The following PIGK variants were observed in gnomAD, a reference collection of about 807,000 sequenced individuals.
The protein encoded by PIGK is GPI-anchor transamidase.
PIGK carries 42 observed loss-of-function variants against 50.6 expected under a neutral mutation model. The observed-to-expected ratio is 0.83, with a 90% confidence interval of 0.65 to 1.07. The LOEUF (loss-of-function observed/expected upper bound fraction) is 1.07, where lower values mean the gene tolerates loss of function less well. PIGK is among the 50% of genes least tolerant of loss of function. The probability of loss-of-function intolerance (pLI) is 0.00; values close to 1 mark genes in which losing one functional copy is unlikely to be tolerated. For synonymous variants in PIGK, 151 were observed against 156.0 expected, an observed-to-expected ratio of 0.97 and a Z score of 0.24; for missense variants, 448 against 488.7, an observed-to-expected ratio of 0.92 and a Z score of 0.78.
chr1:77,153,076 C>CA (rs1403238801), intron 9 of PIGK, among the ~76,000 whole-genome samples: 1 of 152,100 alleles, frequency 6.6e-6, no homozygotes, highest in Admixed American at 6.6e-5. Flanking sequence ...ATGTCTATTG[C>CA]AGCAGTATTC....
chr1:77,165,599 G>C (rs1655216069), intron 5 of PIGK, among the ~76,000 whole-genome samples: 1 of 137,594 alleles, frequency 7.3e-6, no homozygotes, highest in South Asian at 2.4e-4. Context: ...CAGGCAACTG[G>C]TGATAAAAAA....
At chr1:77,129,485 G>A (rs1404412465) in intron 9 of PIGK, 1 of 1,487,094 alleles carries the variant, frequency 6.7e-7, no homozygotes, top group Non-Finnish European at 9.2e-7. Flanking sequence ...AAGCACCTAA[G>A]ATGCGCCGCC....
At chr1:77,143,144 A>G (rs564694472) in intron 9 of PIGK, among the ~76,000 whole-genome samples, 1 of 152,316 alleles carries the variant, frequency 6.6e-6, no homozygotes, top group African/African-American at 2.4e-5. Flanking sequence ...AATTTTTAAA[A>G]TGGAATACAC....
intron 5 of PIGK, among the ~76,000 whole-genome samples, chr1:77,165,846 TTAA>T (rs1379820323): frequency 6.6e-6 from 1 of 152,096 alleles, no homozygotes; most frequent in Non-Finnish European, 1.5e-5. Flanking sequence ...GCAGAAACTA[TTAA>T]TAATAACACT....
At chr1:77,109,277 G>C (rs544503392) in intron 10 of PIGK, among the ~76,000 whole-genome samples, 2 of 152,300 alleles carry the variant, frequency 1.3e-5, no homozygotes, top group East Asian at 3.9e-4. Flanking sequence ...GCATCATCCT[G>C]ATACCAAAGC....
intron 1 of PIGK, among the ~76,000 whole-genome samples, chr1:77,216,587 T>C (rs1433556549): frequency 1.3e-5 from 2 of 152,048 alleles, no homozygotes; most frequent in Admixed American, 6.6e-5. Context: ...ATGATAAATA[T>C]AGAATAATAA....
At chr1:77,112,731 T>C (rs1191533023) in intron 10 of PIGK, among the ~76,000 whole-genome samples, 2 of 152,094 alleles carry the variant, frequency 1.3e-5, no homozygotes, top group African/African-American at 4.8e-5. Context: ...GTACAGTTTC[T>C]CTACCTTAAA....
rs531202365 is a variant in PIGK at position 77,101,158 on chromosome 1, T to TA, written c.1072-8669dup. 3.8e-3 allele frequency among the ~76,000 whole-genome samples: 574 copies of TA among 152,056 alleles called. 5 individuals carry two copies. Among genetic ancestry groups the TA allele is most frequent in the African/African-American group, 0.013 (542 of 41,486 alleles). On this transcript the variant is annotated intron_variant, in intron 10 of 10. Transcript: ENST00000370812. ...TGAAACTATTTATTACATCTGATAC[T>TA]AAAAAAAATGCAAGGAATCTACTTG...
intron 5 of PIGK, among the ~76,000 whole-genome samples, chr1:77,164,877 C>T (rs921443140): frequency 6.6e-6 from 1 of 152,140 alleles, no homozygotes; most frequent in Admixed American, 6.6e-5. Context: ...CTGACGTATA[C>T]TATGCCTCCA....
intron 9 of PIGK, 151 bp downstream of exon 9, chr1:77,154,298 A>G (rs577026679): frequency 3.4e-6 from 2 of 592,176 alleles, no homozygotes; most frequent in African/African-American, 1.9e-5. Flanking sequence ...TATAAATCTG[A>G]AAAGCATACA....
chr1:77,142,458 A>G (rs1225216534), intron 9 of PIGK, among the ~76,000 whole-genome samples: 16 of 152,196 alleles, frequency 1.1e-4, no homozygotes, highest in Non-Finnish European at 7.4e-5. Flanking sequence ...CCTATGACAG[A>G]TAAAGTATCT....
At chr1:77,150,150 AAAC>A (rs1260800003) in intron 9 of PIGK, among the ~76,000 whole-genome samples, 2 of 152,184 alleles carry the variant, frequency 1.3e-5, no homozygotes, top group Admixed American at 1.3e-4. Flanking sequence ...GATTTCAAAT[AAAC>A]AACTTAACTA....
chr1:77,122,431 G>T, intron 9 of PIGK, 72 bp from the exon 10 acceptor site: 1 of 810,260 alleles, frequency 1.2e-6, no homozygotes, highest in African/African-American at 1.7e-5. Context: ...ATTTAAATAT[G>T]TCAAATATGA....
intron 10 of PIGK, among the ~76,000 whole-genome samples, chr1:77,109,412 T>C (rs894781807): frequency 1.3e-5 from 2 of 152,172 alleles, no homozygotes; most frequent in African/African-American, 2.4e-5. Flanking sequence ...TTATCCACCA[T>C]GATCAAGTGG....
chr1:77,154,742 T>A (rs897179080), intron 8 of PIGK, 121 bp from the exon 9 acceptor site: 1 of 683,954 alleles, frequency 1.5e-6, no homozygotes, highest in African/African-American at 1.9e-5. Flanking sequence ...AAAGAAGCTA[T>A]GTGTTCTAAA....
intron 10 of PIGK, among the ~76,000 whole-genome samples, chr1:77,114,539 G>A (rs1009733774): frequency 4.6e-5 from 7 of 151,960 alleles, no homozygotes; most frequent in Admixed American, 3.3e-4. Flanking sequence ...TTCTATTATA[G>A]AAATTTCACA....
intron 3 of PIGK, among the ~76,000 whole-genome samples, chr1:77,184,021 C>T (rs1655683208): frequency 6.6e-6 from 1 of 152,168 alleles, no homozygotes; most frequent in South Asian, 2.1e-4. Flanking sequence ...ACAGTGGGAA[C>T]CGCAGTTGCT....
intron 3 of PIGK, among the ~76,000 whole-genome samples, chr1:77,205,773 T>C (rs990755882): frequency 5.3e-5 from 8 of 152,094 alleles, no homozygotes; most frequent in African/African-American, 1.7e-4. Flanking sequence ...GCTTTGGTAG[T>C]AGGAAAAACA....
At chr1:77,192,226 A>T (rs1655924829) in intron 3 of PIGK, among the ~76,000 whole-genome samples, 1 of 152,184 alleles carries the variant, frequency 6.6e-6, no homozygotes, top group Admixed American at 6.5e-5. Flanking sequence ...CTTCAGTTTG[A>T]TCATAAAAGC....
Sources: allele counts gnomAD v4.1 joint callset (sites outside exome capture counted in the v4.1 genomes callset), GRCh38; gene constraint gnomAD v4.1.1; transcripts MANE v1.5; gene names NCBI Gene and HGNC (gene_info 2026-07-23, HGNC 2026-07-21).